Variants in PRKG1 observed in about 807,000 individuals in gnomAD.
PRKG1 encodes cGMP-dependent protein kinase 1.
PRKG1 carries 35 observed loss-of-function variants against 88.1 expected under a neutral mutation model. The observed-to-expected ratio is 0.40, with a 90% CI of 0.30 to 0.53. The LOEUF (loss-of-function observed/expected upper bound fraction) is 0.53. Ranked by LOEUF, PRKG1 falls within the 20% of genes least tolerant of loss-of-function variation. PRKG1 has a pLI of 0.59. For synonymous variants in PRKG1, 303 were observed against 292.5 expected, an observed-to-expected ratio of 1.04 and a Z score of -0.37; for missense variants, 540 against 839.8, an observed-to-expected ratio of 0.64 and a Z score of 4.41.
chr10:52,035,644 G>T (rs1394516717), intron 5 of PRKG1, among the ~76,000 whole-genome samples: 2 of 152,168 alleles, frequency 1.3e-5, no homozygotes, highest in Non-Finnish European at 2.9e-5. Context: ...TGGGAGGCCG[G>T]ATTGAAGTCT....
intron 3 of PRKG1, among the ~76,000 whole-genome samples, chr10:51,662,464 T>A (rs943949417): frequency 6.6e-6 from 1 of 152,168 alleles, no homozygotes; most frequent in Non-Finnish European, 1.5e-5. Context: ...TTATGTGCTA[T>A]GTAGTCTGAC....
chr10:51,293,204 C>CTT (rs35655883), intron 2 of PRKG1, among the ~76,000 whole-genome samples: 1 of 151,756 alleles, frequency 6.6e-6, no homozygotes, highest in Admixed American at 6.6e-5. Context: ...TTTTTTCTTT[C>CTT]TTTTTTGTAT....
chr10:51,448,817 T>A (rs1839350101), intron 2 of PRKG1, among the ~76,000 whole-genome samples: 1 of 152,080 alleles, frequency 6.6e-6, no homozygotes, highest in Non-Finnish European at 1.5e-5. Context: ...TGACTGTCAG[T>A]GTTGCACTGG....
chr10:51,408,421 G>A (rs749071451), intron 2 of PRKG1, among the ~76,000 whole-genome samples: 2 of 152,222 alleles, frequency 1.3e-5, no homozygotes, highest in African/African-American at 4.8e-5. Flanking sequence ...CCACAGTGGT[G>A]GATAAGGCAT....
intron 9 of PRKG1, among the ~76,000 whole-genome samples, chr10:52,194,820 A>C (rs1252574912): frequency 6.6e-6 from 1 of 152,222 alleles, no homozygotes; most frequent in Non-Finnish European, 1.5e-5. Context: ...AAAAAATGAA[A>C]TGTAGCACAA....
intron 10 of PRKG1, among the ~76,000 whole-genome samples, chr10:52,264,943 C>T (rs922275328): frequency 2.0e-5 from 3 of 152,018 alleles, no homozygotes; most frequent in Non-Finnish European, 2.9e-5. Flanking sequence ...TTTCCTTAAG[C>T]GACCTTTGTG....
rs957851264 is a variant in PRKG1 at position 52,106,723 on chromosome 10, T to TAAGAATAAG, written c.936-27115_936-27114insGAATAAGAA. Among the ~76,000 whole-genome samples, 11 of 147,528 alleles carry TAAGAATAAG rather than the reference T, an allele frequency of 7.5e-5. No individual in the cohort carries two copies. The Admixed American group carries it at 7.5e-4, about 10-fold the overall frequency. ...TGTCCCAAAATAATAATAATAATAA[T>TAAGAATAAG]AATAATAATAATAATAATAATAATA... On this transcript the variant is annotated intron_variant, in intron 7 of 17. Coordinates refer to ENST00000373980, the MANE Select transcript of PRKG1 (RefSeq NM_006258.4).
chr10:51,155,072 T>C (rs1589200279), intron 2 of PRKG1, among the ~76,000 whole-genome samples: 1 of 152,074 alleles, frequency 6.6e-6, no homozygotes, highest in South Asian at 2.1e-4. Flanking sequence ...AGCTATTGTA[T>C]AAAGGAAAGT....
chr10:51,458,097 G>A (rs1179479301), intron 2 of PRKG1, among the ~76,000 whole-genome samples: 1 of 152,134 alleles, frequency 6.6e-6, no homozygotes, highest in Non-Finnish European at 1.5e-5. Flanking sequence ...AGGTAGATAA[G>A]TGCTTGTTGT....
intron 10 of PRKG1, chr10:52,252,315 G>A (rs1405040659): frequency 1.3e-5 from 2 of 152,052 alleles, no homozygotes; most frequent in African/African-American, 4.8e-5. Context: ...TAAACAATAT[G>A]AAAACGTACT....
chr10:51,705,451 A>G (rs1344326260), intron 3 of PRKG1, among the ~76,000 whole-genome samples: 1 of 152,210 alleles, frequency 6.6e-6, no homozygotes, highest in African/African-American at 2.4e-5. Context: ...TTTTGCTTAC[A>G]AAATACTTTT....
At chr10:51,260,906 T>A (rs12254957) in intron 2 of PRKG1, among the ~76,000 whole-genome samples, 19,202 of 152,188 alleles carry the variant, frequency 0.13, 1,787 homozygotes, top group African/African-American at 0.27. Context: ...ATAAGACAAG[T>A]ACACTATATG....
chr10:51,662,683 G>T (rs958389695), intron 3 of PRKG1, among the ~76,000 whole-genome samples: 3 of 152,054 alleles, frequency 2.0e-5, no homozygotes, highest in Non-Finnish European at 4.4e-5. Context: ...ATAGACTAAG[G>T]AGAAAAGTAT....
chr10:51,858,099 AC>A (rs1840731771), intron 4 of PRKG1, among the ~76,000 whole-genome samples: 1 of 78,842 alleles, frequency 1.3e-5, no homozygotes, highest in Non-Finnish European at 2.2e-5. Flanking sequence ...TTATATATAT[AC>A]ATATTATACA....
chr10:51,357,443 A>G (rs1398950172), intron 2 of PRKG1, among the ~76,000 whole-genome samples: 4 of 151,932 alleles, frequency 2.6e-5, no homozygotes, highest in African/African-American at 9.7e-5. Context: ...TGGAACAACA[A>G]CTGAGGAGGC....
chr10:52,155,732 G>GACACAC (rs146109771), intron 8 of PRKG1, among the ~76,000 whole-genome samples: 52 of 147,894 alleles, frequency 3.5e-4, no homozygotes, highest in African/African-American at 1.1e-3. Flanking sequence ...ATTGCCATTG[G>GACACAC]ACACACACAC....
intron 2 of PRKG1, among the ~76,000 whole-genome samples, chr10:51,399,097 C>T (rs1472264321): frequency 2.0e-5 from 3 of 151,632 alleles, no homozygotes; most frequent in African/African-American, 7.3e-5. Context: ...TTATATACAT[C>T]TTATTTATGT....
chr10:51,723,733 T>C (rs1005809542), intron 3 of PRKG1, among the ~76,000 whole-genome samples: 2 of 152,210 alleles, frequency 1.3e-5, no homozygotes, highest in African/African-American at 4.8e-5. Context: ...TAAAAAATCC[T>C]GAAAATCACA....
intron 5 of PRKG1, among the ~76,000 whole-genome samples, chr10:51,936,504 G>T (rs1198541033): frequency 6.6e-6 from 1 of 151,996 alleles, no homozygotes; most frequent in East Asian, 1.9e-4. Flanking sequence ...AACTGGATTT[G>T]TACCTAGAGG....
Sources: gnomAD v4.1 joint callset for allele counts (sites outside exome capture counted in the v4.1 genomes callset) on GRCh38, gnomAD v4.1.1 for gene constraint, MANE v1.5 for transcripts, NCBI Gene and HGNC (gene_info 2026-07-23, HGNC 2026-07-21) for gene names.